The following LSM1 variants were observed in gnomAD, a reference collection of about 807,000 sequenced individuals.
LSM1 encodes LSM1 homolog, mRNA degradation associated.
A neutral mutation model predicts 18.0 loss-of-function variants in LSM1; 13 were observed. That is an observed-to-expected ratio of 0.72 (90% CI 0.47 to 1.15). The LOEUF is 1.15. Among genes scored for constraint, LSM1 ranks in the 50% most tolerant of loss-of-function variants. LSM1 has a pLI of 0.00. For missense variants in LSM1, 152 were observed against 157.7 expected (o/e 0.96, Z 0.19); for synonymous variants, 46 against 56.0 (o/e 0.82, Z 0.80).
chr8:38,172,616 C>G (rs1803051236), intron 1 of LSM1, among the ~76,000 whole-genome samples: 1 of 152,178 alleles, frequency 6.6e-6, no homozygotes, highest in Admixed American at 6.5e-5. Flanking sequence ...ACCATGGCGC[C>G]TAGCCAAAGA....
intron 1 of LSM1, 66 bp downstream of exon 1, chr8:38,176,209 A>T: frequency 7.0e-7 from 1 of 1,429,952 alleles, no homozygotes; most frequent in African/African-American, 1.4e-5. Flanking sequence ...GCTTCTTCGG[A>T]AGAGGCGCCC....
intron 1 of LSM1, 59 bp downstream of exon 1, chr8:38,176,216 G>T: frequency 6.7e-7 from 1 of 1,490,560 alleles, no homozygotes; most frequent in Non-Finnish European, 9.3e-7. Context: ...CGGAAGAGGC[G>T]CCCGCCCGGG....
At chr8:38,169,299 G>T (rs1802987071) in intron 3 of LSM1, among the ~76,000 whole-genome samples, 2 of 152,130 alleles carry the variant, frequency 1.3e-5, no homozygotes, top group South Asian at 4.1e-4. Context: ...TTCTGGCACA[G>T]ATACCAAAAT....
At chr8:38,175,025 C>CAAAAAAAA (rs1203614273) in intron 1 of LSM1, among the ~76,000 whole-genome samples, 1 of 57,094 alleles carries the variant, frequency 1.8e-5, no homozygotes, top group Non-Finnish European at 3.3e-5. Context: ...GACTCTGTCT[C>CAAAAAAAA]AAAAAAAAAA....
Position 38,163,457 on chromosome 8 carries a change from T to G in LSM1, c.*213A>C. On this transcript the variant is annotated 3_prime_UTR_variant, in exon 4 of 4. Coordinates refer to ENST00000311351, the MANE Select transcript of LSM1 (RefSeq NM_014462.3). ...GGTGCCACAGTGATGTGTGAAGGAG[T>G]CTATGCCACTGTTTCTTTAAACAGT... The G allele has an allele frequency of 2.1e-6, 1 of 479,886 alleles. No homozygotes were observed. Among genetic ancestry groups the G allele is most frequent in the South Asian group, 3.6e-5 (1 of 27,902 alleles). The allele number at this position is 479,886 out of a possible 1,614,324, so 29.7% of individuals were successfully genotyped here. A position where few individuals can be genotyped will look rare whatever the true frequency, so the allele number is the denominator to read the frequency against.
At chr8:38,164,031 C>T (rs1802885676) in intron 3 of LSM1, among the ~76,000 whole-genome samples, 191 bp from the exon 4 acceptor site, 2 of 152,094 alleles carry the variant, frequency 1.3e-5, no homozygotes, top group African/African-American at 4.8e-5. Flanking sequence ...AGGATACATA[C>T]TTACAATGAG....
At chr8:38,174,831 T>G (rs1350881863) in intron 1 of LSM1, among the ~76,000 whole-genome samples, 3 of 151,900 alleles carry the variant, frequency 2.0e-5, no homozygotes, top group African/African-American at 7.3e-5. Flanking sequence ...GAGACCAGAC[T>G]GCCCAGCATG....
At position 38,176,350 on chromosome 8, in the gene LSM1, G is replaced by A. The variant is rs763994352; in HGVS notation, c.-30C>T. 1.3e-6 allele frequency: 2 copies of A among 1,594,270 alleles called. No individual in the cohort carries two copies. Among genetic ancestry groups the A allele is most frequent in the Non-Finnish European group, 1.7e-6 (2 of 1,166,208 alleles). On this transcript the variant is annotated 5_prime_UTR_variant, in exon 1 of 4. Transcript: ENST00000311351. ...AACTGAAATAATGCTGCAATGCACAGCGGCGGGAGGCCAGCGCGTCCAAAA... is the reference window on the plus strand; with the variant it reads ...AACTGAAATAATGCTGCAATGCACAACGGCGGGAGGCCAGCGCGTCCAAAA...
intron 2 of LSM1, 69 bp from the exon 3 acceptor site, chr8:38,169,986 A>G (rs1045161384): frequency 2.0e-4 from 138 of 693,952 alleles, no homozygotes; most frequent in Non-Finnish European, 1.7e-4. Context: ...ATAACTCAAT[A>G]ATCAGTTATT....
chr8:38,165,624 G>C (rs927505905), intron 3 of LSM1, among the ~76,000 whole-genome samples: 5 of 151,454 alleles, frequency 3.3e-5, no homozygotes, highest in Admixed American at 6.6e-5. Context: ...TTGAATCCAG[G>C]AGGCAGAGGT....
chr8:38,172,401 A>G (rs376138494), intron 1 of LSM1, among the ~76,000 whole-genome samples: 1 of 150,490 alleles, frequency 6.6e-6, no homozygotes, highest in African/African-American at 2.4e-5. Flanking sequence ...GGCTTACTAC[A>G]ACCTCTGCCT....
chr8:38,163,653 A>G lies in LSM1; in HGVS notation c.*17T>C, dbSNP rs370074152. The G allele has an allele frequency of 6.2e-7, 1 of 1,612,820 alleles. No individual in the cohort carries two copies. The highest frequency in any genetic ancestry group is 8.5e-7 in the Non-Finnish European group (1 of 1,179,088). On this transcript the variant is annotated 3_prime_UTR_variant, in exon 4 of 4. Transcript: ENST00000311351. ...CAGCCCCTACTCTTCAAGAGCCAACAGCCTCTGGGCAAAAGATTAGTACTC... is the reference window on the plus strand; with the variant it reads ...CAGCCCCTACTCTTCAAGAGCCAACGGCCTCTGGGCAAAAGATTAGTACTC...
At chr8:38,169,058 C>T (rs1219861403) in intron 3 of LSM1, among the ~76,000 whole-genome samples, 1 of 152,116 alleles carries the variant, frequency 6.6e-6, no homozygotes, top group East Asian at 1.9e-4. Flanking sequence ...AAAAAGAAGA[C>T]AGTGCTGGCT....
At chr8:38,172,180 G>A (rs548110565) in intron 1 of LSM1, 147 bp from the exon 2 acceptor site, 57 of 581,180 alleles carry the variant, frequency 9.8e-5, no homozygotes, top group African/African-American at 8.0e-4. Flanking sequence ...GAAAAAAGCA[G>A]CACAGCAACG....
At position 38,176,477 on chromosome 8, in the gene LSM1, G is replaced by C. The variant is rs1201511377; in HGVS notation, c.-157C>G. ...CGGCTTTCAGCCGCCGGGGGCTGCC[G>C]GAAGCTCCTCCATATTACCCTTACC... On this transcript the variant is annotated 5_prime_UTR_variant, in exon 1 of 4. Transcript: ENST00000311351. 2 of 631,712 alleles carry C rather than the reference G, an allele frequency of 3.2e-6. No individual in the cohort carries two copies. Among genetic ancestry groups the C allele is most frequent in the Non-Finnish European group, 5.6e-6 (2 of 359,006 alleles). 39.1% of individuals were successfully genotyped at this position (631,712 alleles called of 1,614,324 possible). A position where few individuals can be genotyped will look rare whatever the true frequency, so the allele number is the denominator to read the frequency against.
chr8:38,176,392 G>A lies in LSM1; in HGVS notation c.-72C>T. The A allele has an allele frequency of 1.6e-6, 2 of 1,234,884 alleles. No homozygotes were observed. The highest frequency in any genetic ancestry group is 2.3e-6 in the Non-Finnish European group (2 of 859,086). 76.5% of individuals were successfully genotyped at this position (1,234,884 alleles called of 1,614,324 possible). On this transcript the variant is annotated 5_prime_UTR_variant, in exon 1 of 4. Coordinates refer to ENST00000311351, the MANE Select transcript of LSM1 (RefSeq NM_014462.3). Reference sequence around the variant, plus strand: ...CGTCCAAAACCTCTTCCCTCCTACCGCAGTCGCCGCCTCGGTGGGACCAAG... The same window carrying A: ...CGTCCAAAACCTCTTCCCTCCTACCACAGTCGCCGCCTCGGTGGGACCAAG...
At chr8:38,172,179 A>G in intron 1 of LSM1, 146 bp from the exon 2 acceptor site, 1 of 635,304 alleles carries the variant, frequency 1.6e-6, no homozygotes, top group South Asian at 1.9e-5. Flanking sequence ...TGAAAAAAGC[A>G]GCACAGCAAC....
In LSM1 at chr8:38,172,025, A is replaced by C. The variant is rs777276257; in HGVS notation, c.55T>G (p.Leu19Val). The C allele has an allele frequency of 9.9e-6, 16 of 1,610,838 alleles. No homozygotes were observed. The East Asian group carries it at 3.6e-4, about 36-fold the overall frequency. Residue 19 changes from leucine (L) to valine (V), a missense_variant, in exon 2 of 4, where the codon TTG (leucine) becomes GTG (valine). Leu to Val is a conservative substitution (Grantham distance 32). Transcript: ENST00000311351. ...SLIEDIDKKH[L>V]VLLRDGRTLI... ...GTCCTTCCATCTCGAAGCAGAACCA[A>C]GTGCTTTTCTGGGGAGAGAGGAAAA...
At chr8:38,176,600 A>G (rs1446351063), upstream of LSM1, 1 of 561,772 alleles carries the variant, frequency 1.8e-6, no homozygotes, top group African/African-American at 1.9e-5. Flanking sequence ...GTAAGAGGAA[A>G]CTCCATTGGA....
Sources: allele counts gnomAD v4.1 joint callset (sites outside exome capture counted in the v4.1 genomes callset), GRCh38; gene constraint gnomAD v4.1.1; transcripts MANE v1.5; gene names NCBI Gene and HGNC (gene_info 2026-07-23, HGNC 2026-07-21).